Variants in SPICE1 observed in about 807,000 individuals in gnomAD.
The protein encoded by SPICE1 is spindle and centriole-associated protein 1.
A neutral mutation model predicts 102.7 loss-of-function variants in SPICE1; 75 were observed. The ratio of observed to expected loss-of-function variants is 0.73; its 90% CI spans 0.61 to 0.88. The LOEUF (loss-of-function observed/expected upper bound fraction) is 0.88. Among genes scored for constraint, SPICE1 ranks in the 40% least tolerant of loss-of-function variants. The pLI, the probability that SPICE1 is intolerant of heterozygous loss-of-function variation, is 0.00. For missense variants in SPICE1, 979 were observed against 1,020.1 expected, an observed-to-expected ratio of 0.96 and a Z score of 0.55; for synonymous variants, 308 against 350.3, an observed-to-expected ratio of 0.88 and a Z score of 1.35.
chr3:113,514,935 G>T lies in SPICE1; in HGVS notation c.-39C>A. 9.2e-7 allele frequency: 1 copy of T among 1,084,168 alleles called. No homozygotes were observed. The highest frequency in any genetic ancestry group is 1.2e-6 in the Non-Finnish European group (1 of 853,876). The allele number at this position is 1,084,168 out of a possible 1,614,324, so 67.2% of individuals were successfully genotyped here. On this transcript the variant is annotated 5_prime_UTR_variant, in exon 1 of 18. Transcript: ENST00000295872. ...ACACAGAGCCGCGGCTGCGCTTCCT[G>T]AAGTAAGGATTCCCCAACCGGGCGC...
chr3:113,460,668 T>C lies in SPICE1; in HGVS notation c.1384A>G (p.Ile462Val). 1 of 1,614,008 alleles carries C rather than the reference T, an allele frequency of 6.2e-7. No individual in the cohort carries two copies. Among genetic ancestry groups the C allele is most frequent in the Non-Finnish European group, 8.5e-7 (1 of 1,179,956 alleles). ...NCPVINNRQE[I>V]QASESGATGR... ...GTGGCTCCGCTTTCTGATGCCTGAA[T>C]TTCTTGTCTGTTATTTATCACAGGA... is the stretch of plus-strand genomic sequence containing the variant. Residue 462 changes from isoleucine to valine, a missense_variant, in exon 12 of 18, where the codon ATT becomes GTT. By Grantham distance (29) the Ile-to-Val change is conservative. Transcript: ENST00000295872.
At chr3:113,473,179 G>A (rs1936248857) in intron 7 of SPICE1, among the ~76,000 whole-genome samples, 1 of 152,198 alleles carries the variant, frequency 6.6e-6, no homozygotes. Flanking sequence ...TGGAAGAAAG[G>A]GTATCAGCGA....
In SPICE1 at chr3:113,469,170, T is replaced by C; in HGVS notation, c.680A>G (p.Lys227Arg). The change falls in exon 8 of 18, where the codon AAA becomes AGA. Residue 227 changes from lysine to arginine, a missense_variant. Coordinates refer to ENST00000295872, the MANE Select transcript of SPICE1 (RefSeq NM_144718.4). ...AGTTATTTGTGACTGGGTTGCTATT[T>C]TCTGCTGAATGTCAGTCCACAACTT... Reference protein sequence around the residue: ...ISKLWTDIQQKIATQSQITPP... With the variant: ...ISKLWTDIQQRIATQSQITPP... 3.1e-6 allele frequency: 5 copies of C among 1,613,420 alleles called. No individual in the cohort carries two copies. The highest frequency in any genetic ancestry group is 4.2e-6 in the Non-Finnish European group (5 of 1,179,674).
At chr3:113,451,268 G>A (rs930117962) in intron 14 of SPICE1, among the ~76,000 whole-genome samples, 2 of 151,848 alleles carry the variant, frequency 1.3e-5, no homozygotes, top group African/African-American at 4.8e-5. Context: ...AAATATGAGA[G>A]GTAGGGTAAA....
At chr3:113,471,622 T>A (rs2107468117) in intron 7 of SPICE1, among the ~76,000 whole-genome samples, 1 of 152,322 alleles carries the variant, frequency 6.6e-6, no homozygotes, top group East Asian at 1.9e-4. Context: ...TACTTAATTG[T>A]AGCTATAAGA....
chr3:113,454,436 C>A (rs748825702), intron 13 of SPICE1, among the ~76,000 whole-genome samples: 4 of 152,044 alleles, frequency 2.6e-5, no homozygotes, highest in Admixed American at 2.6e-4. Context: ...TGGCCGGGCG[C>A]GGTGGCTCAC....
intron 1 of SPICE1, among the ~76,000 whole-genome samples, chr3:113,512,899 T>TACAAGTAA (rs1433454355): frequency 6.6e-6 from 1 of 152,180 alleles, no homozygotes; most frequent in East Asian, 1.9e-4. Flanking sequence ...GCATTAGAGA[T>TACAAGTAA]ACAAGTAAAC....
chr3:113,472,073 G>A (rs1375250946), intron 7 of SPICE1, among the ~76,000 whole-genome samples: 7 of 152,198 alleles, frequency 4.6e-5, no homozygotes, highest in African/African-American at 1.4e-4. Flanking sequence ...TGGAAAATTG[G>A]GTCATGCCCA....
At chr3:113,450,938 A>G (rs1395342857) in intron 14 of SPICE1, among the ~76,000 whole-genome samples, 3 of 152,184 alleles carry the variant, frequency 2.0e-5, no homozygotes, top group African/African-American at 7.2e-5. Context: ...CCCTTTAAGC[A>G]TATATTCTGG....
intron 7 of SPICE1, among the ~76,000 whole-genome samples, chr3:113,486,268 C>T (rs1434460861): frequency 1.4e-5 from 2 of 146,222 alleles, no homozygotes; most frequent in East Asian, 2.0e-4. Flanking sequence ...CTAAAATTGA[C>T]ACCTAACATC....
In SPICE1 at chr3:113,461,356, GT is replaced by G. The variant is rs970877187; in HGVS notation, c.1288-593del. 6.1e-3 allele frequency among the ~76,000 whole-genome samples: 891 copies of G among 145,694 alleles called. 7 individuals are homozygous for G. Among genetic ancestry groups the G allele is most frequent in the African/African-American group, 0.019 (777 of 39,986 alleles). On this transcript the variant is annotated intron_variant, in intron 11 of 17. Coordinates refer to ENST00000295872, the MANE Select transcript of SPICE1 (RefSeq NM_144718.4). ...ATATATATTTTTAATATTACATAAG[GT>G]TTTTTTTTTTCTATATTTAAAAGAT...
intron 11 of SPICE1, 87 bp from the exon 12 acceptor site, chr3:113,460,851 G>C: frequency 3.3e-6 from 4 of 1,217,998 alleles, no homozygotes; most frequent in Non-Finnish European, 3.4e-6. Context: ...AAGGATACGT[G>C]TGTTTAATAT....
At chr3:113,512,571 G>A (rs1402895105) in intron 1 of SPICE1, among the ~76,000 whole-genome samples, 3 of 152,016 alleles carry the variant, frequency 2.0e-5, no homozygotes, top group Admixed American at 1.3e-4. Flanking sequence ...ACCATGCCCG[G>A]CTAACTTTTG....
At chr3:113,469,933 T>A (rs1936156356) in intron 7 of SPICE1, among the ~76,000 whole-genome samples, 1 of 152,194 alleles carries the variant, frequency 6.6e-6, no homozygotes. Context: ...TCTCTGCTCA[T>A]CAATGAAGTA....
intron 7 of SPICE1, among the ~76,000 whole-genome samples, chr3:113,479,560 C>T (rs1936443978): frequency 6.6e-6 from 1 of 151,994 alleles, no homozygotes; most frequent in Admixed American, 6.6e-5. Flanking sequence ...CACTGACTTC[C>T]ACAATGGTTG....
intron 7 of SPICE1, among the ~76,000 whole-genome samples, chr3:113,478,981 AATT>A (rs897735852): frequency 4.0e-5 from 6 of 151,562 alleles, no homozygotes; most frequent in African/African-American, 7.3e-5. Context: ...TTTTTTAAAA[AATT>A]ATTATTATAC....
At chr3:113,493,378 A>T (rs1936807661) in intron 5 of SPICE1, 66 bp from the exon 6 acceptor site, 1 of 1,256,054 alleles carries the variant, frequency 8.0e-7, no homozygotes, top group Non-Finnish European at 1.2e-6. Flanking sequence ...CAAGCTCTAT[A>T]CTGCCATTGG....
chr3:113,473,737 G>C (rs1936264934), intron 7 of SPICE1, among the ~76,000 whole-genome samples: 3 of 151,374 alleles, frequency 2.0e-5, no homozygotes, highest in African/African-American at 7.3e-5. Flanking sequence ...AGCAAATGCT[G>C]AGAGATTTTG....
At chr3:113,450,639 C>G in intron 14 of SPICE1, 123 bp from the exon 15 acceptor site, 1 of 955,796 alleles carries the variant, frequency 1.0e-6, no homozygotes, top group Non-Finnish European at 1.5e-6. Context: ...TGCAGTGGCG[C>G]TATCTCGGCT....
Sources: gnomAD v4.1 joint callset for allele counts (sites outside exome capture counted in the v4.1 genomes callset) on GRCh38, gnomAD v4.1.1 for gene constraint, MANE v1.5 for transcripts, NCBI Gene and HGNC (gene_info 2026-07-23, HGNC 2026-07-21) for gene names.